Variants in ARHGAP28 observed in about 807,000 individuals in gnomAD.
ARHGAP28 encodes Rho GTPase activating protein 28, also known as rho GTPase-activating protein 28.
ARHGAP28 carries 56 observed loss-of-function variants against 90.7 expected under a neutral mutation model. That is an observed-to-expected ratio of 0.62 (90% confidence interval 0.50 to 0.77). ARHGAP28 has a LOEUF of 0.77. Ranked by LOEUF, ARHGAP28 falls within the 30% of genes least tolerant of loss-of-function variation. The pLI, the probability that ARHGAP28 is intolerant of heterozygous loss-of-function variation, is 0.00. For missense variants in ARHGAP28, 869 were observed against 900.9 expected (o/e 0.96, Z 0.45); for synonymous variants, 308 against 323.3 (o/e 0.95, Z 0.51).
intron 1 of ARHGAP28, among the ~76,000 whole-genome samples, chr18:6,757,369 C>T (rs868729953): frequency 6.6e-5 from 10 of 152,118 alleles, no homozygotes; most frequent in South Asian, 6.2e-4. Context: ...GCAAAAGAAC[C>T]AAAATGTCTC....
chr18:6,898,503 G>A, intron 16 of ARHGAP28: 1 of 1,614,074 alleles, frequency 6.2e-7, no homozygotes, highest in Non-Finnish European at 8.5e-7. Context: ...AGAAAGAGAA[G>A]AGTCGACAGA....
At chr18:6,836,197 T>G (rs1029243001) in intron 2 of ARHGAP28, 8 of 152,194 alleles carry the variant, frequency 5.3e-5, no homozygotes, top group Admixed American at 5.2e-4. Context: ...AGGAGGCAAC[T>G]CAGCAAAACA....
intron 5 of ARHGAP28, 81 bp from the exon 6 acceptor site, chr18:6,868,069 C>T (rs546363035): frequency 1.7e-6 from 2 of 1,159,894 alleles, no homozygotes; most frequent in South Asian, 1.3e-5. Flanking sequence ...TTGTATACTG[C>T]AGAACATAAG....
chr18:6,901,246 C>T (rs141303542), intron 16 of ARHGAP28, among the ~76,000 whole-genome samples: 1,689 of 152,278 alleles, frequency 0.011, 18 homozygotes, highest in Middle Eastern at 0.017. Context: ...TCCTACTTCT[C>T]ATGCATTTTT....
At chr18:6,781,454 C>T (rs9951170) in intron 1 of ARHGAP28, among the ~76,000 whole-genome samples, 30,755 of 152,146 alleles carry the variant, frequency 0.2, 5,868 homozygotes, top group African/African-American at 0.5. Context: ...TGTCTGCTTC[C>T]TTTTCTCTCT....
chr18:6,830,791 A>G (rs2056709445), intron 2 of ARHGAP28, among the ~76,000 whole-genome samples: 2 of 152,160 alleles, frequency 1.3e-5, no homozygotes, highest in Non-Finnish European at 2.9e-5. Context: ...GGGGAACATA[A>G]CTCAACCCAT....
chr18:6,731,884 C>T (rs2055885598), intron 1 of ARHGAP28, among the ~76,000 whole-genome samples: 1 of 152,214 alleles, frequency 6.6e-6, no homozygotes, highest in African/African-American at 2.4e-5. Flanking sequence ...TGTTCTACCT[C>T]TGAAGAAAGC....
chr18:6,814,867 A>G (rs556471540), intron 1 of ARHGAP28, among the ~76,000 whole-genome samples: 4 of 152,334 alleles, frequency 2.6e-5, no homozygotes, highest in African/African-American at 9.6e-5. Context: ...GAGTTCACCA[A>G]GACTCTTAGA....
chr18:6,750,024 A>G (rs1004511581), intron 1 of ARHGAP28, among the ~76,000 whole-genome samples: 1 of 151,982 alleles, frequency 6.6e-6, no homozygotes, highest in Non-Finnish European at 1.5e-5. Context: ...CCTTCTGTCT[A>G]TTGGACTTTT....
At chr18:6,823,601 ATT>A (rs141094607) in intron 1 of ARHGAP28, among the ~76,000 whole-genome samples, 7,540 of 129,972 alleles carry the variant, frequency 0.058, 453 homozygotes, top group African/African-American at 0.16. Context: ...GTGGCTCTTA[ATT>A]TTTTTTTTTT....
chr18:6,885,226 A>G (rs961490849), intron 11 of ARHGAP28, among the ~76,000 whole-genome samples: 1 of 152,304 alleles, frequency 6.6e-6, no homozygotes, highest in South Asian at 2.1e-4. Context: ...GAAAAATACT[A>G]TATTGCAGGT....
At chr18:6,864,205 A>G (rs144438875) in intron 5 of ARHGAP28, among the ~76,000 whole-genome samples, 5 of 152,216 alleles carry the variant, frequency 3.3e-5, no homozygotes, top group African/African-American at 9.6e-5. Context: ...AGCTGGGACT[A>G]CAAGCGCACA....
In ARHGAP28 at chr18:6,841,188, T is replaced by TC. The variant is rs1434789906; in HGVS notation, c.543+3775dup. Among the ~76,000 whole-genome samples the TC allele has an allele frequency of 1.8e-3, 109 of 60,492 alleles. 3 individuals are homozygous for TC. Among genetic ancestry groups the TC allele is most frequent in the African/African-American group, 7.7e-3 (82 of 10,662 alleles). 39.7% of individuals were successfully genotyped at this position (60,492 alleles called of 152,430 possible). A position where few individuals can be genotyped will look rare whatever the true frequency, so the allele number is the denominator to read the frequency against. On this transcript the variant is annotated intron_variant, in intron 3 of 17. Transcript: ENST00000383472. ...CTCTCCTCTCTCTCTCTCCTCTCTCTCTCTCTCTCTCTCTCCTCTCCTCTC... is the reference window on the plus strand; with the variant it reads ...CTCTCCTCTCTCTCTCTCCTCTCTCTCCTCTCTCTCTCTCTCCTCTCCTCTC...
chr18:6,757,945 A>C (rs973800134), intron 1 of ARHGAP28, among the ~76,000 whole-genome samples: 3 of 152,210 alleles, frequency 2.0e-5, no homozygotes, highest in African/African-American at 4.8e-5. Context: ...GTCAAAAGAC[A>C]GCATGGTTTC....
chr18:6,802,254 C>T (rs777851750), intron 1 of ARHGAP28, among the ~76,000 whole-genome samples: 27 of 149,170 alleles, frequency 1.8e-4, no homozygotes, highest in Non-Finnish European at 3.6e-4. Flanking sequence ...GCAAATATCC[C>T]TTTGATATGT....
At chr18:6,831,049 A>T (rs529140606) in intron 2 of ARHGAP28, among the ~76,000 whole-genome samples, 1 of 152,322 alleles carries the variant, frequency 6.6e-6, no homozygotes, top group African/African-American at 2.4e-5. Flanking sequence ...CACTCCTTCC[A>T]GCAGTGTATG....
intron 1 of ARHGAP28, among the ~76,000 whole-genome samples, chr18:6,800,287 G>A (rs1018214414): frequency 3.9e-5 from 6 of 152,198 alleles, no homozygotes; most frequent in Non-Finnish European, 7.3e-5. Flanking sequence ...CAACTATTGT[G>A]GAAGACAGTG....
intron 1 of ARHGAP28, among the ~76,000 whole-genome samples, chr18:6,758,938 TATTAAACAG>T (rs1359959603): frequency 6.6e-6 from 1 of 152,218 alleles, no homozygotes; most frequent in Non-Finnish European, 1.5e-5. Flanking sequence ...CTTGTTGCTC[TATTAAACAG>T]ATTTTTATTA....
Position 6,882,280 on chromosome 18 carries a change from C to T in ARHGAP28, c.1434C>T (p.Ala478=), listed in dbSNP as rs2057185339. 4.3e-6 allele frequency: 7 copies of T among 1,613,180 alleles called. No homozygotes were observed. The highest frequency in any genetic ancestry group is 1.3e-5 in the African/African-American group (1 of 74,998). ...TCTTCCCTGTGGAATATATACCTGCCTTCATCAGTCTAATGGAAAGTAGGT... is the reference window on the plus strand; with the variant it reads ...TCTTCCCTGTGGAATATATACCTGCTTTCATCAGTCTAATGGAAAGTAGGT... ...TSLFPVEYIP[A]FISLMERGPH... The change falls in exon 11 of 18, where the codon GCC becomes GCT. Residue 478 remains alanine, a synonymous_variant. Transcript: ENST00000383472.
Sources: gnomAD v4.1 joint callset for allele counts (sites outside exome capture counted in the v4.1 genomes callset) on GRCh38, gnomAD v4.1.1 for gene constraint, MANE v1.5 for transcripts, NCBI Gene and HGNC (gene_info 2026-07-23, HGNC 2026-07-21) for gene names.